FLT1: variants seen among roughly 807,000 people sequenced by gnomAD.
FLT1 encodes fms related receptor tyrosine kinase 1.
A neutral mutation model predicts 156.3 loss-of-function variants in FLT1; 49 were observed. The ratio of observed to expected loss-of-function variants is 0.31; its 90% confidence interval spans 0.25 to 0.40. The LOEUF (loss-of-function observed/expected upper bound fraction) is 0.40, where lower values mean the gene tolerates loss of function less well. Ranked by LOEUF, FLT1 falls within the 10% of genes least tolerant of loss-of-function variation. The pLI, the probability that FLT1 is intolerant of heterozygous loss-of-function variation, is 1.00. For missense variants in FLT1, 1,322 were observed against 1,637.2 expected (o/e 0.81, Z 3.32); for synonymous variants, 594 against 583.8 (o/e 1.02, Z -0.25).
chr13:28,434,742 G>C (rs1044428995), intron 4 of FLT1, among the ~76,000 whole-genome samples: 3 of 152,178 alleles, frequency 2.0e-5, no homozygotes, highest in African/African-American at 7.2e-5. Context: ...AATTAGCTGG[G>C]CATTGTGGCA....
In FLT1 at chr13:28,494,974, A is replaced by G; in HGVS notation, c.-131T>C. Reference sequence around the variant, plus strand: ...GAGCGCCCGTCTCGCGGCTCCAGCCAGGAGACAACCACTTCCCCGGGTAAT... The same window carrying G: ...GAGCGCCCGTCTCGCGGCTCCAGCCGGGAGACAACCACTTCCCCGGGTAAT... On this transcript the variant is annotated 5_prime_UTR_variant, in exon 1 of 30. Coordinates refer to ENST00000282397, the MANE Select transcript of FLT1 (RefSeq NM_002019.4). The G allele has an allele frequency of 3.1e-6, 2 of 644,184 alleles. No individual in the cohort carries two copies. The highest frequency in any genetic ancestry group is 2.4e-6 in the Non-Finnish European group (1 of 411,458). The allele number at this position is 644,184 out of a possible 1,614,324, so 39.9% of individuals were successfully genotyped here. A position where few individuals can be genotyped will look rare whatever the true frequency, so the allele number is the denominator to read the frequency against.
At chr13:28,383,005 T>C (rs1874141113) in intron 14 of FLT1, among the ~76,000 whole-genome samples, 1 of 152,236 alleles carries the variant, frequency 6.6e-6, no homozygotes, top group South Asian at 2.1e-4. Context: ...TATTGCTGTT[T>C]ATTTGATTTA....
At chr13:28,315,044 G>C (rs1222472345) in intron 25 of FLT1, among the ~76,000 whole-genome samples, 2 of 152,130 alleles carry the variant, frequency 1.3e-5, no homozygotes, top group African/African-American at 4.8e-5. Context: ...ATGGTGCTGT[G>C]GACTCTGGAC....
intron 13 of FLT1, 101 bp from the exon 14 acceptor site, chr13:28,385,132 A>C: frequency 6.6e-6 from 8 of 1,214,608 alleles, no homozygotes; most frequent in Non-Finnish European, 7.3e-6. Flanking sequence ...AGCAAAACTC[A>C]ACTATTAGGT....
intron 14 of FLT1, among the ~76,000 whole-genome samples, chr13:28,378,197 C>T (rs544341103): frequency 2.6e-5 from 4 of 151,864 alleles, no homozygotes; most frequent in Admixed American, 1.3e-4. Flanking sequence ...TATCAGCATG[C>T]GCCACCATGC....
intron 11 of FLT1, among the ~76,000 whole-genome samples, chr13:28,405,340 C>T (rs1462818697): frequency 1.3e-5 from 2 of 152,196 alleles, no homozygotes; most frequent in Non-Finnish European, 2.9e-5. Context: ...TCAGTTTTAG[C>T]TCTAAGTCTT....
At chr13:28,416,489 G>A (rs779141383) in intron 10 of FLT1, among the ~76,000 whole-genome samples, 8 of 152,150 alleles carry the variant, frequency 5.3e-5, no homozygotes, top group Non-Finnish European at 1.2e-4. Flanking sequence ...CTCACTTTCA[G>A]GCTCTTTGAC....
chr13:28,419,577 T>G (rs767568223), intron 10 of FLT1, among the ~76,000 whole-genome samples: 1 of 152,114 alleles, frequency 6.6e-6, no homozygotes, highest in African/African-American at 2.4e-5. Context: ...GCTGAAAAGA[T>G]CACTATAAAA....
intron 3 of FLT1, among the ~76,000 whole-genome samples, chr13:28,458,037 C>T (rs912657492): frequency 2.0e-5 from 3 of 147,494 alleles, no homozygotes; most frequent in South Asian, 2.1e-4. Context: ...TGGGTTCAAG[C>T]GATTCTCCTG....
chr13:28,438,606 G>A (rs1260021070), intron 3 of FLT1, among the ~76,000 whole-genome samples: 1 of 152,174 alleles, frequency 6.6e-6, no homozygotes, highest in Non-Finnish European at 1.5e-5. Flanking sequence ...TATGCAATGT[G>A]GTATGGGGGG....
intron 12 of FLT1, among the ~76,000 whole-genome samples, chr13:28,392,173 T>C (rs567420176): frequency 6.6e-6 from 1 of 152,320 alleles, no homozygotes; most frequent in Admixed American, 6.5e-5. Context: ...TGCCAAAGTA[T>C]TCATTTGGAA....
chr13:28,403,605 A>G (rs1875599412), intron 11 of FLT1, among the ~76,000 whole-genome samples: 3 of 152,244 alleles, frequency 2.0e-5, no homozygotes, highest in South Asian at 2.1e-4. Flanking sequence ...AATATCCGGC[A>G]GTTAACAGTA....
chr13:28,348,631 C>T (rs926821555), intron 15 of FLT1, among the ~76,000 whole-genome samples: 3 of 151,898 alleles, frequency 2.0e-5, no homozygotes, highest in Non-Finnish European at 4.4e-5. Flanking sequence ...GTTTAGGGGC[C>T]GGGCGCGGTG....
intron 14 of FLT1, among the ~76,000 whole-genome samples, chr13:28,366,024 C>T (rs1208694244): frequency 2.6e-5 from 4 of 152,152 alleles, no homozygotes; most frequent in Admixed American, 2.6e-4. Context: ...AAGCAGAAGC[C>T]TTTGCTTAGC....
chr13:28,412,360 C>CTT (rs1285077675), intron 10 of FLT1, among the ~76,000 whole-genome samples: 20 of 95,272 alleles, frequency 2.1e-4, no homozygotes, highest in Middle Eastern at 5.5e-3. Context: ...CTCTTTCTTT[C>CTT]TTTCTTTCTT....
chr13:28,440,354 G>T (rs139359143), intron 3 of FLT1, among the ~76,000 whole-genome samples: 21 of 152,324 alleles, frequency 1.4e-4, no homozygotes, highest in Non-Finnish European at 2.6e-4. Context: ...GTCTAGATGG[G>T]CACAGCCAGG....
intron 19 of FLT1, among the ~76,000 whole-genome samples, chr13:28,327,963 G>A (rs1317454087): frequency 6.6e-6 from 1 of 152,056 alleles, no homozygotes; most frequent in African/African-American, 2.4e-5. Context: ...TCCCTACCAC[G>A]ACAGAGACGG....
intron 29 of FLT1, 127 bp downstream of exon 29, chr13:28,306,551 A>G: frequency 1.4e-6 from 1 of 738,050 alleles, no homozygotes; most frequent in Non-Finnish European, 2.5e-6. Context: ...GGTTTTCTGC[A>G]ACTCCCGGAT....
intron 25 of FLT1, among the ~76,000 whole-genome samples, chr13:28,312,789 C>A (rs997575710): frequency 6.6e-6 from 1 of 151,970 alleles, no homozygotes; most frequent in Non-Finnish European, 1.5e-5. Context: ...CATTCTCCCC[C>A]AGCACTGCAA....
Sources: allele counts gnomAD v4.1 joint callset (sites outside exome capture counted in the v4.1 genomes callset), GRCh38; gene constraint gnomAD v4.1.1; transcripts MANE v1.5; gene names NCBI Gene and HGNC (gene_info 2026-07-23, HGNC 2026-07-21).